ADAM22: variants seen among roughly 807,000 people sequenced by gnomAD.
ADAM22 encodes ADAM metallopeptidase domain 22, also known as disintegrin and metalloproteinase domain-containing protein 22.
ADAM22 carries 65 observed loss-of-function variants against 144.6 expected under a neutral mutation model. That is an observed-to-expected ratio of 0.45 (90% CI 0.37 to 0.55). The LOEUF is 0.55. ADAM22 is among the 20% of genes least tolerant of loss of function. The pLI, the probability that ADAM22 is intolerant of heterozygous loss-of-function variation, is 0.00. For synonymous variants in ADAM22, 391 were observed against 412.6 expected (o/e 0.95, Z 0.63); for missense variants, 974 against 1,184.9 (o/e 0.82, Z 2.61).
chr7:88,163,301 T>A (rs1842191711), intron 23 of ADAM22, 121 bp downstream of exon 23: 1 of 730,098 alleles, frequency 1.4e-6, no homozygotes, highest in Non-Finnish European at 2.0e-6. Context: ...CTAGTTGGTA[T>A]ATAAATACTA....
chr7:88,164,113 C>G (rs1842408433), intron 23 of ADAM22, among the ~76,000 whole-genome samples: 2 of 152,038 alleles, frequency 1.3e-5, no homozygotes, highest in Admixed American at 1.3e-4. Flanking sequence ...CAGACATGTA[C>G]TAAGTAGCTC....
At chr7:88,114,548 G>C (rs752954692) in intron 5 of ADAM22, 36 bp from the exon 6 acceptor site, 2 of 1,598,706 alleles carry the variant, frequency 1.3e-6, no homozygotes, top group Admixed American at 1.7e-5. Context: ...GATGAGAGTC[G>C]ATGGCCATGC....
chr7:88,041,703 G>A (rs1803176574), intron 3 of ADAM22, among the ~76,000 whole-genome samples: 1 of 151,886 alleles, frequency 6.6e-6, no homozygotes, highest in Admixed American at 6.6e-5. Context: ...CCTAGCCCAG[G>A]TAAAGTGTAA....
At position 88,072,197 on chromosome 7, in the gene ADAM22, G is replaced by A. The variant is rs116509258; in HGVS notation, c.324-3429G>A. On this transcript the variant is annotated intron_variant, in intron 3 of 31. Coordinates refer to ENST00000413139, the MANE Select transcript of ADAM22 (RefSeq NM_001324418.2). Reference sequence around the variant, plus strand: ...TTTTTGGTTTAAAATTACATGGAGCGCTTTCCAGCAATACTTGTATATAGA... The same window carrying A: ...TTTTTGGTTTAAAATTACATGGAGCACTTTCCAGCAATACTTGTATATAGA... Among the ~76,000 whole-genome samples the A allele has an allele frequency of 3.0e-3, 450 of 152,050 alleles. 2 individuals are homozygous for A. The highest frequency in any genetic ancestry group is 0.01 in the African/African-American group (434 of 41,396).
chr7:88,104,688 G>A (rs866104566), intron 4 of ADAM22, among the ~76,000 whole-genome samples: 3 of 151,922 alleles, frequency 2.0e-5, no homozygotes, highest in African/African-American at 7.2e-5. Context: ...ATGATTAATA[G>A]TCCCTGAAAA....
chr7:88,190,998 C>T (rs142017263), intron 30 of ADAM22, among the ~76,000 whole-genome samples: 29 of 151,728 alleles, frequency 1.9e-4, no homozygotes, highest in African/African-American at 6.8e-4. Flanking sequence ...TCTCATCCCC[C>T]CAAGATAATC....
chr7:88,182,470 C>T (rs770649569), intron 29 of ADAM22, among the ~76,000 whole-genome samples: 6 of 152,178 alleles, frequency 3.9e-5, no homozygotes, highest in Non-Finnish European at 8.8e-5. Flanking sequence ...ACTATGAGGT[C>T]TTCATGGCTG....
chr7:88,020,552 G>A (rs889745606), intron 3 of ADAM22, among the ~76,000 whole-genome samples: 2 of 152,050 alleles, frequency 1.3e-5, no homozygotes, highest in Non-Finnish European at 2.9e-5. Context: ...AATGTGTATC[G>A]ACTTTGGCTG....
chr7:87,979,948 T>C (rs1306281971), intron 3 of ADAM22, among the ~76,000 whole-genome samples: 3 of 152,178 alleles, frequency 2.0e-5, no homozygotes, highest in Non-Finnish European at 2.9e-5. Context: ...AATCTGTGTT[T>C]TCTGCTTCCT....
In ADAM22 at chr7:88,201,183, G is replaced by C. The variant is rs1305163398; in HGVS notation, c.*4692G>C. 1 of 152,198 alleles carries C rather than the reference G, an allele frequency of 6.6e-6. No homozygotes were observed. Among genetic ancestry groups the C allele is most frequent in the Non-Finnish European group, 1.5e-5 (1 of 68,038 alleles). The allele number at this position is 152,198 out of a possible 1,614,324, so 9.4% of individuals were successfully genotyped here. On this transcript the variant is annotated 3_prime_UTR_variant, in exon 32 of 32. Coordinates refer to ENST00000413139, the MANE Select transcript of ADAM22 (RefSeq NM_001324418.2). ...TGGAGCAACTTCTGGTTGTTTGTAAGCAGAAAAACAAAACATTCAAAACCA... is the reference window on the plus strand; with the variant it reads ...TGGAGCAACTTCTGGTTGTTTGTAACCAGAAAAACAAAACATTCAAAACCA...
intron 3 of ADAM22, among the ~76,000 whole-genome samples, chr7:88,036,831 A>G (rs569474538): frequency 2.6e-4 from 40 of 152,224 alleles, no homozygotes; most frequent in African/African-American, 9.1e-4. Context: ...GCCTCCTCCT[A>G]TGTAATCTTA....
chr7:88,134,933 A>C (rs1314872047), intron 13 of ADAM22, among the ~76,000 whole-genome samples: 3 of 152,126 alleles, frequency 2.0e-5, no homozygotes, highest in African/African-American at 7.2e-5. Flanking sequence ...TGAATGGTCA[A>C]ATACTATGTA....
chr7:88,192,761 C>T (rs187281248), intron 30 of ADAM22, among the ~76,000 whole-genome samples: 112 of 152,210 alleles, frequency 7.4e-4, no homozygotes, highest in African/African-American at 2.6e-3. Context: ...AAATAAGGCA[C>T]AATATTAATA....
At chr7:87,963,742 C>T (rs755172044) in intron 2 of ADAM22, among the ~76,000 whole-genome samples, 1 of 152,118 alleles carries the variant, frequency 6.6e-6, no homozygotes, top group South Asian at 2.1e-4. Flanking sequence ...ATGAATGGCT[C>T]TCCTCTAGCT....
chr7:88,052,263 C>T (rs559464470), intron 3 of ADAM22, among the ~76,000 whole-genome samples: 2 of 150,978 alleles, frequency 1.3e-5, no homozygotes, highest in African/African-American at 2.4e-5. Context: ...TTTGGGAGAC[C>T]GAGTCGGGCA....
intron 20 of ADAM22, among the ~76,000 whole-genome samples, chr7:88,152,825 C>A (rs1452038187): frequency 6.6e-6 from 1 of 151,980 alleles, no homozygotes; most frequent in Non-Finnish European, 1.5e-5. Flanking sequence ...ACTACAGGTG[C>A]ACACCACCAC....
At chr7:88,053,591 G>GGAAAGAAAGAAAGAAAGAAAGAAA (rs1214968746) in intron 3 of ADAM22, among the ~76,000 whole-genome samples, 2 of 113,330 alleles carry the variant, frequency 1.8e-5, no homozygotes, top group Non-Finnish European at 3.6e-5. Context: ...AAGGAAGGAA[G>GGAAAGAAAGAAAGAAAGAAAGAAA]GAAAGAAAGA....
At chr7:88,145,232 T>C (rs1438332415) in intron 16 of ADAM22, 36 bp downstream of exon 16, 1 of 1,605,844 alleles carries the variant, frequency 6.2e-7, no homozygotes, top group Admixed American at 1.7e-5. Context: ...ATTTTCTAGG[T>C]AATTCAGGGT....
intron 3 of ADAM22, among the ~76,000 whole-genome samples, chr7:88,020,854 A>G (rs1003191562): frequency 1.3e-5 from 2 of 152,194 alleles, no homozygotes; most frequent in African/African-American, 4.8e-5. Flanking sequence ...CCCAATGGAT[A>G]ATGCAGAAAC....
Sources: allele counts gnomAD v4.1 joint callset (sites outside exome capture counted in the v4.1 genomes callset), GRCh38; gene constraint gnomAD v4.1.1; transcripts MANE v1.5; gene names NCBI Gene and HGNC (gene_info 2026-07-23, HGNC 2026-07-21).